Variants in DIAPH2 observed in about 807,000 individuals in gnomAD.
DIAPH2 encodes the protein protein diaphanous homolog 2.
In DIAPH2, 35 loss-of-function variants were observed where a neutral mutation model predicts 92.7. The ratio of observed to expected loss-of-function variants is 0.38; its 90% CI spans 0.29 to 0.50. DIAPH2 has a LOEUF of 0.50. Among genes scored for constraint, DIAPH2 ranks in the 20% least tolerant of loss-of-function variants. DIAPH2 has a pLI of 0.94. For synonymous variants in DIAPH2, 301 were observed against 280.4 expected (o/e 1.07, Z -0.73); for missense variants, 701 against 819.5 (o/e 0.86, Z 1.77).
In DIAPH2 at chrX:96,828,347, G is replaced by A. The variant is rs988834058; in HGVS notation, c.448-53232G>A. On this transcript the variant is annotated intron_variant, in intron 4 of 26. Coordinates refer to ENST00000324765, the MANE Select transcript of DIAPH2 (RefSeq NM_006729.5). ...TGGAGAGAGGCTTCTTGATTTGGCC[G>A]AAGTCTTAGTTATCAGCAGCAATGA... Among the ~76,000 whole-genome samples, 19 of 111,600 alleles carry A rather than the reference G, an allele frequency of 1.7e-4. 1 individual carries two copies. The highest frequency in any genetic ancestry group is 4.6e-3 in the Middle Eastern group (1 of 216).
At chrX:96,859,892 C>T (rs1305878875) in intron 4 of DIAPH2, among the ~76,000 whole-genome samples, 1 of 111,400 alleles carries the variant, frequency 9.0e-6, no homozygotes, top group Non-Finnish European at 1.9e-5. Context: ...CCGCCCGCCT[C>T]GGCCTCCCAA....
At chrX:97,293,674 TTGA>T (rs1290730336) in intron 23 of DIAPH2, among the ~76,000 whole-genome samples, 2 of 112,170 alleles carry the variant, frequency 1.8e-5, no homozygotes, top group Non-Finnish European at 3.8e-5. Flanking sequence ...TTATAAATAG[TTGA>T]TTATTTTTAT....
intron 4 of DIAPH2, among the ~76,000 whole-genome samples, chrX:96,815,986 G>GTATT (rs2064731529): frequency 1.8e-5 from 2 of 111,346 alleles, no homozygotes; most frequent in South Asian, 7.6e-4. Context: ...AACAACTCTT[G>GTATT]TATTTCTCTC....
chrX:97,404,351 A>G (rs192746775), intron 25 of DIAPH2, among the ~76,000 whole-genome samples: 18 of 112,255 alleles, frequency 1.6e-4, no homozygotes, highest in Non-Finnish European at 2.6e-4. Flanking sequence ...GAAAATAGAA[A>G]GCAGACTTTT....
In DIAPH2 at chrX:97,141,687, A is replaced by G; in HGVS notation, c.2612A>G (p.Asp871Gly). The change falls in exon 22 of 27, where the codon GAT becomes GGT. Residue 871 changes from aspartate (D) to glycine (G), a missense_variant. Transcript: ENST00000324765. ...LCKIRDTKSADQKTTLLHFIA... is the reference protein window; with the variant it reads ...LCKIRDTKSAGQKTTLLHFIA... ...CAGATCAGAGATACTAAATCAGCGG[A>G]TCAAAAAACAACCCTTTTGCATTTT... 3.3e-6 allele frequency: 4 copies of G among 1,203,105 alleles called. No individual in the cohort carries two copies. Among genetic ancestry groups the G allele is most frequent in the Non-Finnish European group, 4.5e-6 (4 of 892,593 alleles).
Position 96,937,235 on chromosome X carries a change from T to C in DIAPH2, c.1092T>C (p.Asp364=), listed in dbSNP as rs1445830808. The change falls in exon 11 of 27, where the codon GAT becomes GAC. Residue 364 remains aspartate (D), a splice_region_variant and synonymous_variant. Coordinates refer to ENST00000324765, the MANE Select transcript of DIAPH2 (RefSeq NM_006729.5). The stretch of plus-strand genomic sequence containing the variant: ...TAAATTTTATGTTTATATATTAGGA[T>C]CTAAAAGAAAAAGAGAATGATGAGC... The part of the protein sequence containing the change: ...LRSGLKTMLP[D]LKEKENDELD... 2 of 1,085,318 alleles carry C rather than the reference T, an allele frequency of 1.8e-6. No individual in the cohort carries two copies. Among genetic ancestry groups the C allele is most frequent in the Non-Finnish European group, 2.5e-6 (2 of 800,168 alleles). The allele number at this position is 1,085,318 out of a possible 1,213,427, so 89.4% of individuals were successfully genotyped here.
chrX:96,755,296 A>G (rs1056588157), intron 3 of DIAPH2, among the ~76,000 whole-genome samples: 1 of 111,895 alleles, frequency 8.9e-6, no homozygotes, highest in African/African-American at 3.3e-5. Flanking sequence ...TTATTATTCA[A>G]TAGATAGATG....
At chrX:96,985,997 G>T (rs965866344) in intron 17 of DIAPH2, among the ~76,000 whole-genome samples, 1 of 110,742 alleles carries the variant, frequency 9.0e-6, no homozygotes, top group Non-Finnish European at 1.9e-5. Context: ...TTTTAATGCT[G>T]TTTCAAACAG....
chrX:97,148,430 C>G (rs2067261635), intron 22 of DIAPH2, among the ~76,000 whole-genome samples: 1 of 112,090 alleles, frequency 8.9e-6, no homozygotes, highest in Non-Finnish European at 1.9e-5. Flanking sequence ...TGTGTCACAG[C>G]AGCCCTTTAG....
At chrX:97,410,109 T>A in intron 25 of DIAPH2, among the ~76,000 whole-genome samples, 1 of 112,131 alleles carries the variant, frequency 8.9e-6, no homozygotes, top group Non-Finnish European at 1.9e-5. Context: ...GGGAGACACC[T>A]CCCAGTTTGG....
intron 23 of DIAPH2, among the ~76,000 whole-genome samples, chrX:97,275,482 G>C: frequency 2.1e-5 from 1 of 46,965 alleles, no homozygotes; most frequent in South Asian, 9.0e-4. Context: ...CTTCCCAGAT[G>C]GGGCGGCTGC....
At chrX:97,524,901 C>A (rs1336622435) in intron 26 of DIAPH2, among the ~76,000 whole-genome samples, 1 of 112,347 alleles carries the variant, frequency 8.9e-6, no homozygotes, top group Admixed American at 9.5e-5. Context: ...TACAGTTCTT[C>A]CTGGAACTTA....
Position 97,420,668 on chromosome X carries a change from C to T in DIAPH2, c.3146-8982C>T, listed in dbSNP as rs181636870. ...GATTAATTTTCTTTTTAGTGGATAC[C>T]ACTGTGCAAGGCCTCAACCTGGGAA... On this transcript the variant is annotated intron_variant, in intron 25 of 26. Transcript: ENST00000324765. Among the ~76,000 whole-genome samples the T allele has an allele frequency of 5.4e-5, 6 of 111,229 alleles. No homozygotes were observed. The Admixed American group carries it at 5.7e-4, about 11-fold the overall frequency.
intron 1 of DIAPH2, among the ~76,000 whole-genome samples, chrX:96,699,825 C>T (rs1385141967): frequency 9.0e-6 from 1 of 111,712 alleles, no homozygotes; most frequent in Non-Finnish European, 1.9e-5. Context: ...GTGGACTGCA[C>T]TGTTGTGAAC....
Position 96,908,099 on chromosome X carries a change from A to T in DIAPH2, c.588-4229A>T, listed in dbSNP as rs187047011. ...CCAAATCAGATAAGTAGTTGCCAGGATGCTGGGAGTAGGGAAAAGGGATTG... is the reference window on the plus strand; with the variant it reads ...CCAAATCAGATAAGTAGTTGCCAGGTTGCTGGGAGTAGGGAAAAGGGATTG... On this transcript the variant is annotated intron_variant, in intron 5 of 26. Transcript: ENST00000324765. 1.7e-3 allele frequency among the ~76,000 whole-genome samples: 191 copies of T among 111,813 alleles called. 1 individual carries two copies. Among genetic ancestry groups the T allele is most frequent in the African/African-American group, 5.9e-3 (181 of 30,825 alleles).
rs773656000 is a variant in DIAPH2 at position 96,909,569 on chromosome X, G to GT, written c.588-2758dup. Among the ~76,000 whole-genome samples, 11 of 110,763 alleles carry GT rather than the reference G, an allele frequency of 9.9e-5. No individual in the cohort carries two copies. The East Asian group carries it at 2.8e-3, about 29-fold the overall frequency. ...AACCTCTTGCGCATCGTCATCGTTC[G>GT]TAATTATTTTATCCCCTTAGCAACG... On this transcript the variant is annotated intron_variant, in intron 5 of 26. Coordinates refer to ENST00000324765, the MANE Select transcript of DIAPH2 (RefSeq NM_006729.5).
chrX:97,352,073 G>T (rs1315750861), intron 24 of DIAPH2, among the ~76,000 whole-genome samples: 3 of 110,753 alleles, frequency 2.7e-5, no homozygotes, highest in African/African-American at 9.8e-5. Context: ...AGTGCTTTGT[G>T]TGTTTGGCCT....
chrX:96,742,866 C>T (rs989256364), intron 3 of DIAPH2, among the ~76,000 whole-genome samples: 17 of 111,120 alleles, frequency 1.5e-4, no homozygotes, highest in Admixed American at 2.9e-4. Context: ...GGGGTTTCAC[C>T]GTGGCCAAGC....
chrX:97,185,486 T>TATATATATATATACAC (rs2067593269), intron 22 of DIAPH2, among the ~76,000 whole-genome samples: 8 of 14,742 alleles, frequency 5.4e-4, no homozygotes, highest in Non-Finnish European at 6.8e-4. Context: ...TATATATATA[T>TATATATATATATACAC]ATATATATAT....
Sources: allele counts gnomAD v4.1 joint callset (sites outside exome capture counted in the v4.1 genomes callset), GRCh38; gene constraint gnomAD v4.1.1; transcripts MANE v1.5; gene names NCBI Gene and HGNC (gene_info 2026-07-23, HGNC 2026-07-21).